PPARA: variants seen among roughly 807,000 people sequenced by gnomAD.
PPARA encodes peroxisome proliferator-activated receptor alpha.
In PPARA, 22 loss-of-function variants were observed where a neutral mutation model predicts 42.2. The observed-to-expected ratio is 0.52, with a 90% CI of 0.37 to 0.74. PPARA has a LOEUF of 0.74. Ranked by LOEUF, PPARA falls within the 30% of genes least tolerant of loss-of-function variation. The pLI, the probability that PPARA is intolerant of heterozygous loss-of-function variation, is 0.00. For synonymous variants in PPARA, 242 were observed against 239.3 expected, an observed-to-expected ratio of 1.01 and a Z score of -0.10; for missense variants, 465 against 608.2, an observed-to-expected ratio of 0.76 and a Z score of 2.48.
At position 46,198,673 on chromosome 22, in the gene PPARA, T is replaced by TTA. The variant is rs1311323147; in HGVS notation, c.208+83_208+84insAT. ...ACTGTTCTCTCTTTTTTTTTTTTTTTTTTTTGAGACGGAGTCTCGCTCTGT... is the reference window on the plus strand; with the variant it reads ...ACTGTTCTCTCTTTTTTTTTTTTTTTTATTTTTGAGACGGAGTCTCGCTCTGT... On this transcript the variant is annotated intron_variant, in intron 4 of 8. Coordinates refer to ENST00000407236, the MANE Select transcript of PPARA (RefSeq NM_005036.6). 5.1e-6 allele frequency: 7 copies of TTA among 1,384,648 alleles called. No individual in the cohort carries two copies. In the Admixed American group the frequency reaches 1.2e-4, roughly 24 times the overall value. 85.8% of individuals were successfully genotyped at this position (1,384,648 alleles called of 1,614,324 possible). A position where few individuals can be genotyped will look rare whatever the true frequency, so the allele number is the denominator to read the frequency against.
Position 46,200,376 on chromosome 22 carries a change from T to C in PPARA, c.208+1785T>C, listed in dbSNP as rs115399077. Reference sequence around the variant, plus strand: ...CCTGCTGCACACCGAGGCTCTGCGGTGCAGCCTGTTGCTCCAAGGCACGCA... The same window carrying C: ...CCTGCTGCACACCGAGGCTCTGCGGCGCAGCCTGTTGCTCCAAGGCACGCA... On this transcript the variant is annotated intron_variant, in intron 4 of 8. Transcript: ENST00000407236. This position sits in a 1 kb window ranked among gnomAD's most constrained non-coding sequence, Gnocchi z 4.8. Among the ~76,000 whole-genome samples, 4,283 of 152,358 alleles carry C rather than the reference T, an allele frequency of 0.028. 211 individuals carry two copies. The highest frequency in any genetic ancestry group is 0.098 in the African/African-American group (4,069 of 41,572).
At position 46,232,247 on chromosome 22, in the gene PPARA, G is replaced by A; in HGVS notation, c.1159+8G>A. On this transcript the variant is annotated splice_region_variant and intron_variant, in intron 8 of 8. Coordinates refer to ENST00000407236, the MANE Select transcript of PPARA (RefSeq NM_005036.6). This position sits in a 1 kb window ranked among gnomAD's most constrained non-coding sequence, Gnocchi z 5.3. The stretch of plus-strand genomic sequence containing the variant: ...CTATCATTTGCTGTGGAGGTGAGTG[G>A]TTGATTTAATCTGCTGGTATCATGT... 1.9e-6 allele frequency: 3 copies of A among 1,613,622 alleles called. No homozygotes were observed. The highest frequency in any genetic ancestry group is 2.5e-6 in the Non-Finnish European group (3 of 1,179,666).
chr22:46,226,013 G>A (rs1935415385), intron 7 of PPARA, among the ~76,000 whole-genome samples: 1 of 150,932 alleles, frequency 6.6e-6, no homozygotes, highest in Non-Finnish European at 1.5e-5. Context: ...ACAAACACAT[G>A]CATTCACACA....
At chr22:46,164,975 G>A (rs1926817772) in intron 2 of PPARA, 1 of 152,076 alleles carries the variant, frequency 6.6e-6, no homozygotes, top group Admixed American at 6.6e-5. Flanking sequence ...AATTTGGGAT[G>A]GTTTGAGAAC....
Position 46,221,874 on chromosome 22 carries a change from G to A in PPARA, c.711+1860G>A, listed in dbSNP as rs1935034336. Among the ~76,000 whole-genome samples the A allele has an allele frequency of 6.6e-6, 1 of 151,012 alleles. No individual in the cohort carries two copies. The highest frequency in any genetic ancestry group is 2.4e-5 in the African/African-American group (1 of 41,010). On this transcript the variant is annotated intron_variant, in intron 7 of 8. Transcript: ENST00000407236. This position sits in a 1 kb window ranked among gnomAD's most constrained non-coding sequence, Gnocchi z 5.9. ...GTGGATCACTTGAGGTCAGGAGTTT[G>A]AGACCACCCTGGCCAACATGGTGAA...
intron 5 of PPARA, among the ~76,000 whole-genome samples, chr22:46,215,837 C>T (rs1934436442): frequency 6.6e-6 from 1 of 152,134 alleles, no homozygotes; most frequent in Non-Finnish European, 1.5e-5. Context: ...AGAGCGTAAG[C>T]CCTGTTGTGA....
rs376166282 is a variant in PPARA, at chr22:46,225,841, A to C, written c.711+5827A>C. ...TGCACACAGACGCACCTCCACCCCC[A>C]CACACGCACACACACACATGCACCC... On this transcript the variant is annotated intron_variant, in intron 7 of 8. Transcript: ENST00000407236. The surrounding 1 kb of genome is among the most constrained non-coding windows in gnomAD (Gnocchi z 4.1). Among the ~76,000 whole-genome samples, 2,723 of 151,608 alleles carry C rather than the reference A, an allele frequency of 0.018. 71 individuals are homozygous for C. The highest frequency in any genetic ancestry group is 0.063 in the African/African-American group (2,592 of 41,230).
chr22:46,152,644 A>G (rs1257404303), intron 2 of PPARA, among the ~76,000 whole-genome samples: 1 of 152,192 alleles, frequency 6.6e-6, no homozygotes, highest in African/African-American at 2.4e-5. Flanking sequence ...TATTAAGCAG[A>G]TGGCTTCTTG....
Position 46,203,464 on chromosome 22 carries a change from T to C in PPARA, c.208+4873T>C, listed in dbSNP as rs1200512139. ...CTGCATGTATTTAAAGTGTACAATC[T>C]GTTGGGTGTACACACACACGCATCT... On this transcript the variant is annotated intron_variant, in intron 4 of 8. Transcript: ENST00000407236. The surrounding 1 kb of genome is among the most constrained non-coding windows in gnomAD (Gnocchi z 5.8). Among the ~76,000 whole-genome samples the C allele has an allele frequency of 6.6e-6, 1 of 152,146 alleles. No individual in the cohort carries two copies. The highest frequency in any genetic ancestry group is 2.4e-5 in the African/African-American group (1 of 41,434).
Position 46,199,953 on chromosome 22 carries a change from C to T in PPARA, c.208+1362C>T, listed in dbSNP as rs977919782. ...GGCCAGGCTGGTCTCAAACTCCTGA[C>T]GTCAGGTGGTCCGCCTGCCTCAGCC... On this transcript the variant is annotated intron_variant, in intron 4 of 8. Transcript: ENST00000407236. Among the ~76,000 whole-genome samples, 4 of 152,212 alleles carry T rather than the reference C, an allele frequency of 2.6e-5. No individual in the cohort carries two copies. The East Asian group carries it at 5.8e-4, about 22-fold the overall frequency.
At chr22:46,214,739 T>G (rs1488818457) in intron 4 of PPARA, among the ~76,000 whole-genome samples, 1 of 130,950 alleles carries the variant, frequency 7.6e-6, no homozygotes, top group Non-Finnish European at 1.6e-5. Context: ...TGAAGATGTG[T>G]GGATGGGAGA....
At chr22:46,229,182 G>A (rs976711628) in intron 7 of PPARA, among the ~76,000 whole-genome samples, 17 of 152,088 alleles carry the variant, frequency 1.1e-4, no homozygotes, top group African/African-American at 3.9e-4. Flanking sequence ...TTTGAATAAA[G>A]TGACGGTGGC....
rs1287221164 is a variant in PPARA at position 46,234,998 on chromosome 22, T to G, written c.1160-135T>G. 1.1e-5 allele frequency: 13 copies of G among 1,235,284 alleles called. No individual in the cohort carries two copies. Among genetic ancestry groups the G allele is most frequent in the African/African-American group, 3.0e-5 (2 of 66,938 alleles). 76.5% of individuals were successfully genotyped at this position (1,235,284 alleles called of 1,614,324 possible). On this transcript the variant is annotated intron_variant, in intron 8 of 8. Coordinates refer to ENST00000407236, the MANE Select transcript of PPARA (RefSeq NM_005036.6). This position sits in a 1 kb window ranked among gnomAD's most constrained non-coding sequence, Gnocchi z 5.8. ...AACCTATGTCTATCTTCCAGTCAAG[T>G]TGACAATATCTAAAGGCAGCTCAGT...
Position 46,232,046 on chromosome 22 carries a change from T to C in PPARA, c.966T>C (p.Ser322=), listed in dbSNP as rs369962398. The C allele has an allele frequency of 1.5e-5, 25 of 1,614,134 alleles. No homozygotes were observed. Among genetic ancestry groups the C allele is most frequent in the Non-Finnish European group, 1.9e-5 (23 of 1,180,052 alleles). ...ATGAGGCCATATTCGCCATGCTGTC[T>C]TCTGTGATGAACAAAGACGGGATGC... ...GVYEAIFAML[S]SVMNKDGMLV... is the part of the protein sequence containing the mutation. The change falls in exon 8 of 9, where the codon TCT becomes TCC. Residue 322 remains serine (S), a synonymous_variant. Coordinates refer to ENST00000407236, the MANE Select transcript of PPARA (RefSeq NM_005036.6). This position sits in a 1 kb window ranked among gnomAD's most constrained non-coding sequence, Gnocchi z 5.3.
intron 4 of PPARA, among the ~76,000 whole-genome samples, chr22:46,213,301 A>G (rs1057453186): frequency 1.3e-5 from 2 of 152,040 alleles, no homozygotes; most frequent in African/African-American, 4.8e-5. Context: ...TGCCCCGATG[A>G]CATATCATGC....
rs1024832249 is a variant in PPARA at position 46,198,609 on chromosome 22, T to C, written c.208+18T>C. On this transcript the variant is annotated intron_variant, in intron 4 of 8. Transcript: ENST00000407236. Reference sequence around the variant, plus strand: ...CATCACGGGTAAGTGTGCCGTTTCCTAGAAAGTTTTATTTAGAAATGTTTC... The same window carrying C: ...CATCACGGGTAAGTGTGCCGTTTCCCAGAAAGTTTTATTTAGAAATGTTTC... 1.2e-6 allele frequency: 2 copies of C among 1,605,892 alleles called. No homozygotes were observed. Among genetic ancestry groups the C allele is most frequent in the Admixed American group, 1.7e-5 (1 of 59,824 alleles).
intron 2 of PPARA, among the ~76,000 whole-genome samples, chr22:46,158,656 T>A (rs1925687967): frequency 1.3e-5 from 2 of 152,236 alleles, no homozygotes; most frequent in African/African-American, 4.8e-5. Context: ...TGAAACAAGT[T>A]TTCTTCTGTT....
In PPARA at chr22:46,173,623, G is replaced by A. The variant is rs186813804; in HGVS notation, c.-126-3130G>A. Among the ~76,000 whole-genome samples the A allele has an allele frequency of 5.6e-4, 86 of 152,332 alleles. No homozygotes were observed. The highest frequency in any genetic ancestry group is 1.6e-3 in the African/African-American group (66 of 41,582). On this transcript the variant is annotated intron_variant, in intron 2 of 8. Transcript: ENST00000407236. The surrounding 1 kb of genome is among the most constrained non-coding windows in gnomAD (Gnocchi z 4.3). ...GCTGCGGAAATGTTTCAGATTAAAA[G>A]AGAGAAGACAATAAAATGTAATACC... is the stretch of plus-strand genomic sequence containing the variant.
At position 46,216,396 on chromosome 22, in the gene PPARA, AAG is replaced by A. The variant is rs1228639665; in HGVS notation, c.369+1069_369+1070del. ...AAAACTTCATCTCAAAAAAAAAAAA[AAG>A]AGAGAAAAGAAAATAAGCCACATTA... On this transcript the variant is annotated intron_variant, in intron 5 of 8. Coordinates refer to ENST00000407236, the MANE Select transcript of PPARA (RefSeq NM_005036.6). This position sits in a 1 kb window ranked among gnomAD's most constrained non-coding sequence, Gnocchi z 4.5. 5.3e-5 allele frequency among the ~76,000 whole-genome samples: 8 copies of A among 151,810 alleles called. No homozygotes were observed. The highest frequency in any genetic ancestry group is 8.8e-5 in the Non-Finnish European group (6 of 67,956).
Sources: gnomAD v4.1 joint callset for allele counts (sites outside exome capture counted in the v4.1 genomes callset) on GRCh38, gnomAD v4.1.1 for gene constraint, Gnocchi (gnomAD v3.1) non-coding constraint, MANE v1.5 for transcripts, NCBI Gene and HGNC (gene_info 2026-07-23, HGNC 2026-07-21) for gene names.